The following LRRC37A2 variants were observed in gnomAD, a reference collection of about 807,000 sequenced individuals.
LRRC37A2 encodes leucine rich repeat containing 37 member A2.
Under a neutral mutation model 68.8 loss-of-function variants are expected in LRRC37A2, and 9 were observed. The ratio of observed to expected loss-of-function variants is 0.13; its 90% CI spans 0.08 to 0.23. The LOEUF (loss-of-function observed/expected upper bound fraction) is 0.23. Among genes scored for constraint, LRRC37A2 ranks in the 10% least tolerant of loss-of-function variants. LRRC37A2 has a pLI of 1.00. For synonymous variants in LRRC37A2, 63 were observed against 367.6 expected, an observed-to-expected ratio of 0.17 and a Z score of 9.48; for missense variants, 168 against 950.4, an observed-to-expected ratio of 0.18 and a Z score of 10.82.
chr17:46,987,964 G>T, the LRRC37A2 span, among the ~76,000 whole-genome samples: 1 of 152,214 alleles, frequency 6.6e-6, no homozygotes, highest in Non-Finnish European at 1.5e-5. Context: ...CTGAGGTCAG[G>T]AGTTTGGGAC....
chr17:46,734,637 A>G, the LRRC37A2 span, among the ~76,000 whole-genome samples: 8 of 152,194 alleles, frequency 5.3e-5, no homozygotes, highest in African/African-American at 1.9e-4. Context: ...TAGTGAATGT[A>G]TAGTGATCAA....
At chr17:47,028,897 G>C in the LRRC37A2 span, among the ~76,000 whole-genome samples, 1 of 150,744 alleles carries the variant, frequency 6.6e-6, no homozygotes, top group Admixed American at 6.6e-5. Flanking sequence ...CAAAGTTGTA[G>C]GGCCAGAATG....
At chr17:46,987,697 T>G in the LRRC37A2 span, among the ~76,000 whole-genome samples, 4 of 152,090 alleles carry the variant, frequency 2.6e-5, no homozygotes, top group Non-Finnish European at 5.9e-5. Context: ...AGCAGCACTA[T>G]TCACAACAGC....
chr17:46,696,332 G>GT, the LRRC37A2 span, among the ~76,000 whole-genome samples: 22 of 140,786 alleles, frequency 1.6e-4, 5 homozygotes, highest in African/African-American at 5.5e-4. Context: ...CTGCAAAGAA[G>GT]TAAAGTACCT....
At chr17:46,830,710 T>C in the LRRC37A2 span, 2 of 398,532 alleles carry the variant, frequency 5.0e-6, no homozygotes, top group South Asian at 2.5e-4. Flanking sequence ...TGATGGCTAG[T>C]GGTGACACTT....
chr17:46,728,007 T>A, the LRRC37A2 span, among the ~76,000 whole-genome samples: 19 of 152,232 alleles, frequency 1.2e-4, no homozygotes, highest in Admixed American at 4.6e-4. Context: ...TTTTTTTTTT[T>A]ATTTTTATTT....
chr17:46,420,719 T>A, the LRRC37A2 span, among the ~76,000 whole-genome samples: 1 of 2,490 alleles, frequency 4.0e-4, no homozygotes, highest in African/African-American at 2.2e-3. Flanking sequence ...AGAATTGGAA[T>A]GAACCTCAAG....
chr17:46,878,367 A>G, the LRRC37A2 span, among the ~76,000 whole-genome samples: 1 of 151,984 alleles, frequency 6.6e-6, no homozygotes, highest in Non-Finnish European at 1.5e-5. Flanking sequence ...GCCCTGGCCA[A>G]CTCCCTGAGA....
At chr17:46,733,501 A>T in the LRRC37A2 span, among the ~76,000 whole-genome samples, 3 of 152,190 alleles carry the variant, frequency 2.0e-5, no homozygotes, top group African/African-American at 4.8e-5. Context: ...TTGTGCATCA[A>T]ATTGGAAAAC....
At chr17:47,046,212 T>C in the LRRC37A2 span, among the ~76,000 whole-genome samples, 1 of 133,986 alleles carries the variant, frequency 7.5e-6, no homozygotes, top group Admixed American at 7.6e-5. Context: ...GGCATGGTGG[T>C]GCAAGCCTAT....
At chr17:46,684,752 A>T in the LRRC37A2 span, among the ~76,000 whole-genome samples, 1 of 137,496 alleles carries the variant, frequency 7.3e-6, no homozygotes, top group Non-Finnish European at 1.6e-5. Flanking sequence ...TTTAAATGTA[A>T]GACCTAAAAC....
the LRRC37A2 span, among the ~76,000 whole-genome samples, chr17:47,000,076 A>AAATAAAATAT: frequency 3.5e-4 from 9 of 25,534 alleles, 1 homozygote; most frequent in East Asian, 2.4e-3. Flanking sequence ...AAATAAAATA[A>AAATAAAATAT]AAAATAAAAT....
chr17:46,932,471 GA>G, the LRRC37A2 span: 1 of 595,990 alleles, frequency 1.7e-6, no homozygotes, highest in Non-Finnish European at 3.0e-6. Flanking sequence ...GTCTGAGACA[GA>G]AAGGTGGAAG....
the LRRC37A2 span, among the ~76,000 whole-genome samples, chr17:46,820,947 G>A: frequency 6.6e-6 from 1 of 152,108 alleles, no homozygotes; most frequent in Non-Finnish European, 1.5e-5. Context: ...ATGGCTTCTT[G>A]GGGTCATTAC....
chr17:46,850,789 C>A, the LRRC37A2 span, among the ~76,000 whole-genome samples: 1 of 151,762 alleles, frequency 6.6e-6, no homozygotes, highest in South Asian at 2.1e-4. Flanking sequence ...AAGTTCCCAC[C>A]CTATCTACCA....
At chr17:46,764,079 T>G in the LRRC37A2 span, 1 of 152,182 alleles carries the variant, frequency 6.6e-6, no homozygotes, top group Non-Finnish European at 1.5e-5. Flanking sequence ...TCATCCTAGC[T>G]AAACCTATGG....
chr17:46,876,109 G>T, the LRRC37A2 span: 1 of 789,914 alleles, frequency 1.3e-6, no homozygotes, highest in Non-Finnish European at 2.0e-6. Flanking sequence ...CAGGCCAAGG[G>T]GAGGAGCTGG....
chr17:46,558,186 A>G (rs2057387072), downstream of LRRC37A2, among the ~76,000 whole-genome samples: 1 of 108,314 alleles, frequency 9.2e-6, no homozygotes, highest in Admixed American at 9.3e-5. Context: ...CAGCCTCCCT[A>G]GTAGCTGGGG....
the LRRC37A2 span, among the ~76,000 whole-genome samples, chr17:46,771,706 C>T: frequency 2.8e-5 from 4 of 143,528 alleles, no homozygotes; most frequent in African/African-American, 5.0e-5. Context: ...CCGGGCCGCG[C>T]CCCCGGCCCC....
Sources: allele counts gnomAD v4.1 joint callset (sites outside exome capture counted in the v4.1 genomes callset), GRCh38; gene constraint gnomAD v4.1.1; transcripts MANE v1.5; gene names NCBI Gene and HGNC (gene_info 2026-07-23, HGNC 2026-07-21).